The following FAM222A variants were observed in gnomAD, a reference collection of about 807,000 sequenced individuals.
FAM222A encodes the protein family with sequence similarity 222 member A, also known as protein FAM222A.
Under a neutral mutation model 25.8 loss-of-function variants are expected in FAM222A, and 7 were observed. That is an observed-to-expected ratio of 0.27 (90% CI 0.15 to 0.51). The LOEUF (loss-of-function observed/expected upper bound fraction) is 0.51. FAM222A is among the 20% of genes least tolerant of loss of function. The probability of loss-of-function intolerance (pLI) is 0.97; values close to 1 mark genes in which losing one functional copy is unlikely to be tolerated. For synonymous variants in FAM222A, 294 were observed against 298.8 expected (o/e 0.98, Z 0.17); for missense variants, 573 against 640.5 (o/e 0.89, Z 1.14).
intron 2 of FAM222A, among the ~76,000 whole-genome samples, chr12:109,754,601 A>G (rs956813149): frequency 1.8e-4 from 28 of 152,194 alleles, no homozygotes; most frequent in African/African-American, 6.3e-4. Flanking sequence ...CTGTGTTCCA[A>G]TAAGACTTTA....
At chr12:109,767,805 C>T (rs1432808509) in intron 2 of FAM222A, among the ~76,000 whole-genome samples, 2 of 152,318 alleles carry the variant, frequency 1.3e-5, no homozygotes, top group African/African-American at 2.4e-5. Context: ...TACCATAAAA[C>T]AGGTGTGTTC....
chr12:109,733,141 G>A (rs1257496926), intron 1 of FAM222A, among the ~76,000 whole-genome samples: 2 of 152,186 alleles, frequency 1.3e-5, no homozygotes, highest in African/African-American at 4.8e-5. Flanking sequence ...ACTGGGGACA[G>A]TGTGGTGTTG....
intron 2 of FAM222A, among the ~76,000 whole-genome samples, chr12:109,755,287 C>CTTTTTTTTTTTTT (rs540689300): frequency 2.0e-5 from 1 of 49,384 alleles, no homozygotes; most frequent in Non-Finnish European, 3.4e-5. Context: ...TGTAATTCTT[C>CTTTTTTTTTTTTT]TTTTTTTTTT....
chr12:109,760,562 T>G (rs1888863567), intron 2 of FAM222A, among the ~76,000 whole-genome samples: 1 of 152,168 alleles, frequency 6.6e-6, no homozygotes, highest in Non-Finnish European at 1.5e-5. Flanking sequence ...CTGCTGGGTA[T>G]TTGAACGCTG....
At chr12:109,734,450 T>G (rs1888029224) in intron 1 of FAM222A, 1 of 151,976 alleles carries the variant, frequency 6.6e-6, no homozygotes, top group Non-Finnish European at 1.5e-5. Context: ...GCTCCTGGAT[T>G]TCCAAGCCTC....
intron 2 of FAM222A, among the ~76,000 whole-genome samples, chr12:109,754,714 C>G (rs986073487): frequency 4.0e-5 from 6 of 151,148 alleles, no homozygotes; most frequent in Admixed American, 1.3e-4. Flanking sequence ...GTTACCCTGA[C>G]TGGTGGGCAG....
At position 109,768,579 on chromosome 12, in the gene FAM222A, C is replaced by A; in HGVS notation, c.650C>A (p.Pro217His). Residue 217 changes from proline to histidine, a missense_variant, in exon 3 of 3, where the codon CCC becomes CAC. Coordinates refer to ENST00000538780, the MANE Select transcript of FAM222A (RefSeq NM_032829.3). Reference sequence around the variant, plus strand: ...CAGTGCCAGGCCCCGGGCGCCGCACCCCCTGCCTGCCAGGGCATGGCTATT... The same window carrying A: ...CAGTGCCAGGCCCCGGGCGCCGCACACCCTGCCTGCCAGGGCATGGCTATT... ...NQQCQAPGAAPPACQGMAIPH... is the reference protein window; with the variant it reads ...NQQCQAPGAAHPACQGMAIPH... 1 of 1,601,906 alleles carries A rather than the reference C, an allele frequency of 6.2e-7. No individual in the cohort carries two copies. Among genetic ancestry groups the A allele is most frequent in the South Asian group, 1.1e-5 (1 of 90,728 alleles).
At chr12:109,758,751 G>A (rs763844035) in intron 2 of FAM222A, among the ~76,000 whole-genome samples, 7 of 152,208 alleles carry the variant, frequency 4.6e-5, no homozygotes, top group Non-Finnish European at 8.8e-5. Context: ...AGGGCAGAGT[G>A]TGGCAGCAAA....
rs754400731 is a variant in FAM222A, at chr12:109,768,773, G to A, written c.844G>A (p.Gly282Ser). The change falls in exon 3 of 3, where the codon GGC becomes AGC. Residue 282 changes from glycine to serine, a missense_variant. By Grantham distance (56) the Gly-to-Ser change is moderately conservative. This residue lies in a region of FAM222A where 412 missense variants were observed against 407.0 expected (regional missense o/e 1.01). Transcript: ENST00000538780. The stretch of plus-strand genomic sequence containing the variant: ...CAAGCCTGCAGGGTACGCAGACAGC[G>A]GCCTGGATTACCTGCTGTGGCCGCA... ...AAKPAGYADS[G>S]LDYLLWPQKP... 99 of 1,580,324 alleles carry A rather than the reference G, an allele frequency of 6.3e-5. No individual in the cohort carries two copies. The African/African-American group carries it at 9.4e-4, about 15-fold the overall frequency.
At position 109,768,568 on chromosome 12, in the gene FAM222A, G is replaced by A. The variant is rs1412504199; in HGVS notation, c.639G>A (p.Pro213=). ...LYQLNQQCQA[P]GAAPPACQGM... is the part of the protein sequence containing the mutation. ...AGCTCAACCAGCAGTGCCAGGCCCC[G>A]GGCGCCGCACCCCCTGCCTGCCAGG... Residue 213 remains proline, a synonymous_variant, in exon 3 of 3, where the codon CCG becomes CCA. Coordinates refer to ENST00000538780, the MANE Select transcript of FAM222A (RefSeq NM_032829.3). 19 of 1,601,664 alleles carry A rather than the reference G, an allele frequency of 1.2e-5. No individual in the cohort carries two copies. Among genetic ancestry groups the A allele is most frequent in the Admixed American group, 6.7e-5 (4 of 59,652 alleles).
intron 2 of FAM222A, among the ~76,000 whole-genome samples, chr12:109,758,708 G>A (rs916195825): frequency 4.6e-5 from 7 of 152,166 alleles, no homozygotes; most frequent in African/African-American, 1.2e-4. Flanking sequence ...TTAGTGTCAC[G>A]TTAATTGAGC....
intron 2 of FAM222A, among the ~76,000 whole-genome samples, chr12:109,749,072 A>C (rs1374311259): frequency 6.6e-6 from 1 of 152,034 alleles, no homozygotes; most frequent in Admixed American, 6.6e-5. Flanking sequence ...CCACGCATCC[A>C]CACAAATAGT....
rs11311105 is a variant in FAM222A at position 109,737,585 on chromosome 12, T to TA, written c.-46-6500dup. ...ACAGTACCTCCCCAGCCCCCAACCT[T>TA]AAAAAAAAAAAAAAAAGGTAAAAAT... On this transcript the variant is annotated intron_variant, in intron 1 of 2. Transcript: ENST00000538780. 4.4e-3 allele frequency among the ~76,000 whole-genome samples: 613 copies of TA among 138,884 alleles called. 3 individuals are homozygous for TA. Among genetic ancestry groups the TA allele is most frequent in the African/African-American group, 9.1e-3 (341 of 37,562 alleles). 91.1% of individuals were successfully genotyped at this position (138,884 alleles called of 152,430 possible). A position where few individuals can be genotyped will look rare whatever the true frequency, so the allele number is the denominator to read the frequency against.
intron 2 of FAM222A, among the ~76,000 whole-genome samples, chr12:109,751,044 C>T (rs1355018631): frequency 6.6e-6 from 1 of 152,082 alleles, no homozygotes; most frequent in Admixed American, 6.5e-5. Flanking sequence ...TTTTAGTTTC[C>T]TTCCTTGGGG....
At chr12:109,732,737 C>T (rs1208974673) in intron 1 of FAM222A, among the ~76,000 whole-genome samples, 11 of 152,320 alleles carry the variant, frequency 7.2e-5, no homozygotes, top group African/African-American at 2.2e-4. Context: ...TCCCCACACA[C>T]GTGTACACAC....
intron 1 of FAM222A, among the ~76,000 whole-genome samples, chr12:109,730,245 C>T (rs1445451434): frequency 6.6e-6 from 1 of 152,212 alleles, no homozygotes; most frequent in African/African-American, 2.4e-5. Flanking sequence ...GTTCAAATCC[C>T]TGCTCCACCA....
chr12:109,742,878 A>G (rs570672742), intron 1 of FAM222A, among the ~76,000 whole-genome samples: 1 of 152,252 alleles, frequency 6.6e-6, no homozygotes, highest in Admixed American at 6.5e-5. Flanking sequence ...AAAGTAGTGA[A>G]AAAAGGCTTT....
chr12:109,719,706 G>A (rs1424511036), intron 1 of FAM222A, among the ~76,000 whole-genome samples: 1 of 152,092 alleles, frequency 6.6e-6, no homozygotes, highest in Non-Finnish European at 1.5e-5. Flanking sequence ...TTGGAGACCC[G>A]GGAGCATGAC....
chr12:109,739,507 T>C (rs891313682), intron 1 of FAM222A, among the ~76,000 whole-genome samples: 2 of 152,162 alleles, frequency 1.3e-5, no homozygotes, highest in African/African-American at 4.8e-5. Flanking sequence ...CTCATCTCAG[T>C]GTTGTTCTGC....
Sources: allele counts gnomAD v4.1 joint callset (sites outside exome capture counted in the v4.1 genomes callset), GRCh38; gene constraint gnomAD v4.1.1; regional missense constraint gnomAD v4.1.1; transcripts MANE v1.5; gene names NCBI Gene and HGNC (gene_info 2026-07-23, HGNC 2026-07-21).